The following MYLK4 variants were observed in gnomAD, a reference collection of about 807,000 sequenced individuals.
MYLK4 encodes myosin light chain kinase family member 4.
MYLK4 carries 46 observed loss-of-function variants against 48.1 expected under a neutral mutation model. That is an observed-to-expected ratio of 0.96 (90% CI 0.75 to 1.22). The LOEUF (loss-of-function observed/expected upper bound fraction) is 1.22, where lower values mean the gene tolerates loss of function less well. Among genes scored for constraint, MYLK4 ranks in the 50% most tolerant of loss-of-function variants. The pLI is 0.00. For synonymous variants in MYLK4, 170 were observed against 180.8 expected (o/e 0.94, Z 0.48); for missense variants, 451 against 486.1 (o/e 0.93, Z 0.68).
chr6:2,717,337 A>C (rs1762902684), intron 2 of MYLK4, among the ~76,000 whole-genome samples: 1 of 2,258 alleles, frequency 4.4e-4, no homozygotes, highest in African/African-American at 4.7e-4. Flanking sequence ...AGTATAAAAA[A>C]TGAAAATCTG....
In MYLK4 at chr6:2,692,922, C is replaced by T. The variant is rs1761868467; in HGVS notation, c.160-63G>A. 7 of 1,426,966 alleles carry T rather than the reference C, an allele frequency of 4.9e-6. No homozygotes were observed. The Admixed American group carries it at 5.5e-5, about 11-fold the overall frequency. 88.4% of individuals were successfully genotyped at this position (1,426,966 alleles called of 1,614,324 possible). A position where few individuals can be genotyped will look rare whatever the true frequency, so the allele number is the denominator to read the frequency against. ...ACATCTGGGCTTTTCAACCTCAGCA[C>T]TCCTGACACTTGCGCTGGATGATTC... is the stretch of plus-strand genomic sequence containing the variant. On this transcript the variant is annotated intron_variant, in intron 2 of 12. Transcript: ENST00000274643.
chr6:2,764,874 ACTC>A, the MYLK4 span, among the ~76,000 whole-genome samples: 5 of 151,980 alleles, frequency 3.3e-5, no homozygotes, highest in African/African-American at 1.2e-4. Flanking sequence ...CATTTCTTTC[ACTC>A]GCGTACTTGT....
At position 2,663,782 on chromosome 6, in the gene MYLK4, T is replaced by C. The variant is rs772948294; in HGVS notation, c.*4143A>G. On this transcript the variant is annotated 3_prime_UTR_variant, in exon 13 of 13. Transcript: ENST00000274643. ...GACACAATCACCACGTTATGAATCC[T>C]TTTTTTAATTTCTTATCAACACCAA... The C allele has an allele frequency of 1.3e-5, 2 of 152,604 alleles. No homozygotes were observed. Among genetic ancestry groups the C allele is most frequent in the Non-Finnish European group, 2.9e-5 (2 of 68,032 alleles). 9.5% of individuals were successfully genotyped at this position (152,604 alleles called of 1,614,324 possible).
chr6:2,766,387 C>T, the MYLK4 span: 6 of 1,607,892 alleles, frequency 3.7e-6, no homozygotes, highest in Admixed American at 3.4e-5. Flanking sequence ...TGCGCTCGCT[C>T]CTGGAGACCA....
intron 2 of MYLK4, among the ~76,000 whole-genome samples, chr6:2,695,548 C>A (rs1040964355): frequency 1.3e-5 from 2 of 152,112 alleles, no homozygotes; most frequent in African/African-American, 4.8e-5. Flanking sequence ...TTGCTTTTTT[C>A]TTTAGTAATT....
At chr6:2,699,198 A>C in intron 2 of MYLK4, among the ~76,000 whole-genome samples, 1 of 152,058 alleles carries the variant, frequency 6.6e-6, no homozygotes, top group Non-Finnish European at 1.5e-5. Flanking sequence ...CACTGAATGA[A>C]GATGCACGGA....
At chr6:2,737,977 C>CGGGGGGGGG (rs1158504264) in intron 2 of MYLK4, among the ~76,000 whole-genome samples, 2 of 2,528 alleles carry the variant, frequency 7.9e-4, no homozygotes, top group African/African-American at 1.5e-3. Flanking sequence ...GTGCCGGGGG[C>CGGGGGGGGG]GGGTGGGGGG....
At chr6:2,687,306 ATGCTCCT>A (rs1761597416) in intron 4 of MYLK4, among the ~76,000 whole-genome samples, 1 of 152,200 alleles carries the variant, frequency 6.6e-6, no homozygotes, top group Non-Finnish European at 1.5e-5. Flanking sequence ...ACATTTGATC[ATGCTCCT>A]CTCACTTATT....
intron 2 of MYLK4, among the ~76,000 whole-genome samples, chr6:2,711,803 T>A (rs1027177802): frequency 6.6e-6 from 1 of 152,024 alleles, no homozygotes; most frequent in Non-Finnish European, 1.5e-5. Flanking sequence ...CTTTTTTTTT[T>A]AAAGGCAAAT....
At chr6:2,670,308 G>A (rs1344301521) in intron 12 of MYLK4, among the ~76,000 whole-genome samples, 1 of 152,200 alleles carries the variant, frequency 6.6e-6, no homozygotes, top group Admixed American at 6.5e-5. Context: ...GGGGGTTGCA[G>A]TGAGCCAAGA....
chr6:2,744,328 T>A (rs1763998816), intron 2 of MYLK4, among the ~76,000 whole-genome samples: 1 of 152,238 alleles, frequency 6.6e-6, no homozygotes, highest in Admixed American at 6.5e-5. Flanking sequence ...GAATGCGTAT[T>A]TGTTCCCAGT....
At chr6:2,704,192 A>G (rs1423917991) in intron 2 of MYLK4, among the ~76,000 whole-genome samples, 3 of 152,198 alleles carry the variant, frequency 2.0e-5, no homozygotes, top group Non-Finnish European at 2.9e-5. Flanking sequence ...AACTGATGCC[A>G]GGCTGTATTT....
rs536136137 is a variant in MYLK4 at position 2,674,134 on chromosome 6, G to A, written c.1119+913C>T. ...TATCTGTGCCAAAGAGACAGATGAG[G>A]AAGTCGGAATATAAACATCTGGTAA... On this transcript the variant is annotated intron_variant, in intron 11 of 12. Transcript: ENST00000274643. 2.3e-4 allele frequency among the ~76,000 whole-genome samples: 35 copies of A among 152,324 alleles called. 1 individual carries two copies. Among genetic ancestry groups the A allele is most frequent in the African/African-American group, 7.9e-4 (33 of 41,578 alleles).
the MYLK4 span, chr6:2,765,449 C>A: frequency 8.0e-6 from 6 of 751,598 alleles, no homozygotes; most frequent in Non-Finnish European, 1.1e-5. Flanking sequence ...GGCGGGCGGA[C>A]GCGGGAGCTG....
the MYLK4 span, among the ~76,000 whole-genome samples, chr6:2,757,854 T>C: frequency 3.3e-5 from 5 of 152,210 alleles, no homozygotes; most frequent in Non-Finnish European, 5.9e-5. Flanking sequence ...TCCTTCTTAA[T>C]GTAAAAAGGT....
the MYLK4 span, chr6:2,768,729 A>G: frequency 6.2e-7 from 1 of 1,613,096 alleles, no homozygotes; most frequent in Non-Finnish European, 8.5e-7. Context: ...ACAGCAAGAA[A>G]CATAGCATAA....
intron 2 of MYLK4, among the ~76,000 whole-genome samples, chr6:2,711,440 T>C (rs928046300): frequency 3.3e-5 from 5 of 152,244 alleles, no homozygotes; most frequent in African/African-American, 1.2e-4. Context: ...GGTGGTTCCA[T>C]GTTCTAAATA....
chr6:2,761,152 C>A, the MYLK4 span, among the ~76,000 whole-genome samples: 2 of 152,080 alleles, frequency 1.3e-5, no homozygotes, highest in Non-Finnish European at 2.9e-5. Flanking sequence ...TCGTTACTGA[C>A]AGGTCTATTT....
At chr6:2,759,268 A>C in the MYLK4 span, among the ~76,000 whole-genome samples, 1 of 151,994 alleles carries the variant, frequency 6.6e-6, no homozygotes, top group African/African-American at 2.4e-5. Context: ...ACGCCAAGCT[A>C]ATTGTTTAAA....
Sources: allele counts gnomAD v4.1 joint callset (sites outside exome capture counted in the v4.1 genomes callset), GRCh38; gene constraint gnomAD v4.1.1; transcripts MANE v1.5; gene names NCBI Gene and HGNC (gene_info 2026-07-23, HGNC 2026-07-21).